The following TIAM2 variants were observed in gnomAD, a reference collection of about 807,000 sequenced individuals.
TIAM2 encodes the protein rho guanine nucleotide exchange factor TIAM2.
TIAM2 carries 80 observed loss-of-function variants against 152.9 expected under a neutral mutation model. The observed-to-expected ratio is 0.52, with a 90% CI of 0.44 to 0.63. TIAM2 has a LOEUF of 0.63. Among genes scored for constraint, TIAM2 ranks in the 30% least tolerant of loss-of-function variants. The pLI is 0.00. For synonymous variants in TIAM2, 804 were observed against 838.0 expected (o/e 0.96, Z 0.70); for missense variants, 1,965 against 2,120.1 (o/e 0.93, Z 1.44).
chr6:155,084,588 T>G (rs576662430), intron 1 of TIAM2, among the ~76,000 whole-genome samples: 6 of 152,216 alleles, frequency 3.9e-5, no homozygotes, highest in African/African-American at 1.2e-4. Flanking sequence ...GGCCATTGAT[T>G]TTTTTTGGTG....
intron 5 of TIAM2, among the ~76,000 whole-genome samples, chr6:155,140,660 G>T (rs1779677907): frequency 6.6e-6 from 1 of 151,772 alleles, no homozygotes; most frequent in Admixed American, 6.6e-5. Flanking sequence ...ATGACAAGGA[G>T]ATTTAGAGCC....
chr6:155,044,946 G>A (rs960810716), intron 1 of TIAM2, among the ~76,000 whole-genome samples: 1 of 151,772 alleles, frequency 6.6e-6, no homozygotes, highest in Non-Finnish European at 1.5e-5. Flanking sequence ...TATTTAGCAC[G>A]GTGCATTTTA....
chr6:155,193,837 A>G (rs961444651), intron 14 of TIAM2, among the ~76,000 whole-genome samples: 2 of 152,210 alleles, frequency 1.3e-5, no homozygotes, highest in African/African-American at 2.4e-5. Context: ...TGCTGAGCAC[A>G]GTTTGGTGTT....
intron 1 of TIAM2, among the ~76,000 whole-genome samples, chr6:155,009,905 T>C (rs928483040): frequency 6.6e-6 from 1 of 152,100 alleles, no homozygotes; most frequent in Non-Finnish European, 1.5e-5. Context: ...CAGGCTGGAA[T>C]GCAGTGGTGC....
At chr6:155,122,834 G>A (rs1448625135) in intron 2 of TIAM2, among the ~76,000 whole-genome samples, 1 of 142,632 alleles carries the variant, frequency 7.0e-6, no homozygotes, top group Non-Finnish European at 1.5e-5. Flanking sequence ...GTAAACACCA[G>A]GCCCTTTTAA....
At chr6:155,163,584 C>CT (rs1264069959) in intron 7 of TIAM2, among the ~76,000 whole-genome samples, 1 of 152,302 alleles carries the variant, frequency 6.6e-6, no homozygotes, top group African/African-American at 2.4e-5. Context: ...CTCCAAGATA[C>CT]TTACTTAGGA....
chr6:155,052,895 A>T (rs965621449), intron 1 of TIAM2, among the ~76,000 whole-genome samples: 1 of 152,184 alleles, frequency 6.6e-6, no homozygotes, highest in Non-Finnish European at 1.5e-5. Flanking sequence ...AAAATATTAC[A>T]TAAGTTCCAT....
intron 14 of TIAM2, among the ~76,000 whole-genome samples, chr6:155,201,571 T>C (rs1583246155): frequency 6.6e-6 from 1 of 152,210 alleles, no homozygotes; most frequent in African/African-American, 2.4e-5. Context: ...CTTCTTTCTT[T>C]GGGTTAAGCA....
intron 1 of TIAM2, among the ~76,000 whole-genome samples, chr6:155,009,717 A>G (rs774731913): frequency 1.3e-5 from 2 of 152,210 alleles, no homozygotes; most frequent in African/African-American, 4.8e-5. Context: ...AATGGAAATT[A>G]TATTAATTAC....
chr6:155,231,624 C>T (rs1287834718), intron 15 of TIAM2, among the ~76,000 whole-genome samples: 1 of 150,118 alleles, frequency 6.7e-6, no homozygotes, highest in Non-Finnish European at 1.5e-5. Flanking sequence ...GCCTGTGGGC[C>T]CTGCCAGCTT....
chr6:155,166,125 A>AT (rs1780429908), intron 9 of TIAM2, among the ~76,000 whole-genome samples: 1 of 151,850 alleles, frequency 6.6e-6, no homozygotes, highest in Admixed American at 6.7e-5. Flanking sequence ...GGGTTTTGTC[A>AT]TCCCATTTTA....
chr6:155,028,648 C>T (rs1776698189), intron 1 of TIAM2, among the ~76,000 whole-genome samples: 1 of 124,266 alleles, frequency 8.0e-6, no homozygotes, highest in Non-Finnish European at 1.6e-5. Flanking sequence ...TATATATATA[C>T]TACATATAAT....
intron 7 of TIAM2, among the ~76,000 whole-genome samples, chr6:155,152,009 T>C (rs561893674): frequency 4.6e-5 from 7 of 151,850 alleles, no homozygotes; most frequent in Non-Finnish European, 1.0e-4. Context: ...CACGCCCGGC[T>C]AATTTTGTAT....
intron 14 of TIAM2, among the ~76,000 whole-genome samples, chr6:155,200,322 T>C (rs1285073179): frequency 6.6e-6 from 1 of 152,210 alleles, no homozygotes; most frequent in Non-Finnish European, 1.5e-5. Flanking sequence ...ATACAGATTT[T>C]CATTAACCTT....
intron 1 of TIAM2, among the ~76,000 whole-genome samples, chr6:155,074,577 A>G (rs1054487671): frequency 2.6e-5 from 4 of 152,096 alleles, no homozygotes; most frequent in Non-Finnish European, 5.9e-5. Flanking sequence ...CGAACTCCTG[A>G]CCTCACGTGA....
chr6:155,043,362 C>T (rs574665137), intron 1 of TIAM2, among the ~76,000 whole-genome samples: 53 of 152,170 alleles, frequency 3.5e-4, no homozygotes, highest in African/African-American at 1.2e-3. Context: ...GGTGCAGTGG[C>T]TCATGTCTGT....
chr6:155,182,778 A>G (rs1215757908), intron 13 of TIAM2, among the ~76,000 whole-genome samples: 1 of 152,146 alleles, frequency 6.6e-6, no homozygotes, highest in East Asian at 1.9e-4. Flanking sequence ...GGAACACTAG[A>G]AAAAACAACG....
rs1322416213 is a variant in TIAM2, at chr6:155,164,510, C to A, written c.2124C>A (p.Asn708Lys). ...LASLQGGELP[N>K]PKSLLAAASR... ...GCCTACAAGGTGGGGAGTTACCGAA[C>A]CCAAAGAGTCTCCTTGCAGCCGCCA... Residue 708 changes from asparagine (N) to lysine (K), a missense_variant, in exon 8 of 27, where the codon AAC becomes AAA. This residue lies in a region of TIAM2 where 1,025 missense variants were observed against 1,119.4 expected (regional missense o/e 0.92). Transcript: ENST00000682666. 1.2e-6 allele frequency: 2 copies of A among 1,613,988 alleles called. No individual in the cohort carries two copies. The highest frequency in any genetic ancestry group is 2.7e-5 in the African/African-American group (2 of 74,892).
chr6:155,225,611 C>G (rs1201921669), intron 15 of TIAM2, among the ~76,000 whole-genome samples: 1 of 152,178 alleles, frequency 6.6e-6, no homozygotes, highest in Admixed American at 6.5e-5. Context: ...CCAGGGATAC[C>G]TGGCTTTGGT....
Sources: allele counts gnomAD v4.1 joint callset (sites outside exome capture counted in the v4.1 genomes callset), GRCh38; gene constraint gnomAD v4.1.1; regional missense constraint gnomAD v4.1.1; transcripts MANE v1.5; gene names NCBI Gene and HGNC (gene_info 2026-07-23, HGNC 2026-07-21).